The following PPP3CA variants were observed in gnomAD, a reference collection of about 807,000 sequenced individuals.
The protein encoded by PPP3CA is CAM-PRP catalytic subunit.
A neutral mutation model predicts 66.5 loss-of-function variants in PPP3CA; 14 were observed. That is an observed-to-expected ratio of 0.21 (90% CI 0.14 to 0.33). The LOEUF is 0.33. Ranked by LOEUF, PPP3CA falls within the 10% of genes least tolerant of loss-of-function variation. PPP3CA has a pLI of 1.00. For missense variants in PPP3CA, 317 were observed against 639.5 expected (o/e 0.50, Z 5.44); for synonymous variants, 232 against 226.2 (o/e 1.03, Z -0.23).
chr4:101,210,060 G>A (rs1725253300), intron 1 of PPP3CA, among the ~76,000 whole-genome samples: 1 of 152,056 alleles, frequency 6.6e-6, no homozygotes, highest in Non-Finnish European at 1.5e-5. Context: ...GAGAAGAAAG[G>A]CCATAATTTA....
At chr4:101,346,478 C>A (rs1333528614) in intron 1 of PPP3CA, among the ~76,000 whole-genome samples, 1 of 152,092 alleles carries the variant, frequency 6.6e-6, no homozygotes, top group Non-Finnish European at 1.5e-5. Flanking sequence ...CGCCACCTCC[C>A]CGCGGCTCAG....
chr4:101,292,072 G>A (rs1354206703), intron 1 of PPP3CA, among the ~76,000 whole-genome samples: 2 of 140,686 alleles, frequency 1.4e-5, no homozygotes, highest in African/African-American at 5.3e-5. Context: ...AGGCTGCACT[G>A]AGCCCATGAA....
intron 2 of PPP3CA, among the ~76,000 whole-genome samples, chr4:101,185,925 A>G (rs992788726): frequency 6.6e-6 from 1 of 152,144 alleles, no homozygotes; most frequent in Non-Finnish European, 1.5e-5. Context: ...AAGAACACCT[A>G]TCTCCCAGAG....
At chr4:101,342,110 A>G (rs930988975) in intron 1 of PPP3CA, among the ~76,000 whole-genome samples, 1 of 152,176 alleles carries the variant, frequency 6.6e-6, no homozygotes, top group Non-Finnish European at 1.5e-5. Flanking sequence ...TACAAATAAA[A>G]CAAAGAGACA....
chr4:101,179,482 A>G (rs1724168452), intron 2 of PPP3CA, among the ~76,000 whole-genome samples: 1 of 152,174 alleles, frequency 6.6e-6, no homozygotes. Context: ...GCTGTCTTCC[A>G]TAACTGCATC....
chr4:101,146,463 A>C (rs1406302823), intron 2 of PPP3CA, among the ~76,000 whole-genome samples: 6 of 151,034 alleles, frequency 4.0e-5, no homozygotes, highest in African/African-American at 1.5e-4. Context: ...TTTTTTTTTA[A>C]ATGGAGTCTC....
intron 1 of PPP3CA, among the ~76,000 whole-genome samples, chr4:101,311,672 C>T (rs558069248): frequency 6.6e-6 from 1 of 152,074 alleles, no homozygotes; most frequent in East Asian, 1.9e-4. Flanking sequence ...CTCAGCTACT[C>T]GGGAGGCTCA....
intron 1 of PPP3CA, among the ~76,000 whole-genome samples, chr4:101,340,156 C>CCCTGATATCT (rs1181840067): frequency 1.5e-4 from 23 of 152,188 alleles, no homozygotes; most frequent in Admixed American, 1.4e-3. Context: ...TTTTATAAAT[C>CCCTGATATCT]CCTGATATCT....
intron 2 of PPP3CA, among the ~76,000 whole-genome samples, chr4:101,156,263 C>A (rs958961883): frequency 3.3e-5 from 5 of 152,174 alleles, no homozygotes; most frequent in Non-Finnish European, 7.4e-5. Flanking sequence ...GCCTTTACAA[C>A]CACACCAGTC....
intron 2 of PPP3CA, among the ~76,000 whole-genome samples, chr4:101,179,159 C>G (rs1472571298): frequency 6.6e-6 from 1 of 151,974 alleles, no homozygotes; most frequent in Non-Finnish European, 1.5e-5. Flanking sequence ...TCACTCTCAT[C>G]GTAGAAAACA....
chr4:101,124,815 T>A (rs1722196093), intron 2 of PPP3CA, among the ~76,000 whole-genome samples: 1 of 149,676 alleles, frequency 6.7e-6, no homozygotes, highest in Admixed American at 6.6e-5. Flanking sequence ...ACTGTATTGG[T>A]GTTGAGGAGC....
chr4:101,037,797 G>A lies in PPP3CA; in HGVS notation c.1241+2685C>T, dbSNP rs1578393783. Among the ~76,000 whole-genome samples the A allele has an allele frequency of 3.3e-5, 5 of 152,134 alleles. 1 individual carries two copies. Among genetic ancestry groups the A allele is most frequent in the Admixed American group, 3.3e-4 (5 of 15,292 alleles). On this transcript the variant is annotated intron_variant, in intron 11 of 13. Transcript: ENST00000394854. ...TAACATGCTATTCAAAACACTCAAGGATATGGACTTCAGTATATTTTCAGT... is the reference window on the plus strand; with the variant it reads ...TAACATGCTATTCAAAACACTCAAGAATATGGACTTCAGTATATTTTCAGT...
chr4:101,063,125 T>A, intron 9 of PPP3CA, 107 bp downstream of exon 9: 2 of 1,349,192 alleles, frequency 1.5e-6, no homozygotes, highest in Non-Finnish European at 2.0e-6. Context: ...GTACAACTTG[T>A]GAATTTTATT....
At chr4:101,280,947 G>A (rs1384802389) in intron 1 of PPP3CA, among the ~76,000 whole-genome samples, 1 of 151,972 alleles carries the variant, frequency 6.6e-6, no homozygotes, top group African/African-American at 2.4e-5. Flanking sequence ...TTAGAGACTG[G>A]AGAAACAAAG....
intron 1 of PPP3CA, among the ~76,000 whole-genome samples, chr4:101,260,649 T>TC (rs1446784892): frequency 6.6e-6 from 1 of 152,074 alleles, no homozygotes; most frequent in African/African-American, 2.4e-5. Flanking sequence ...ATTGTAACTT[T>TC]CCCTCTCTCT....
intron 1 of PPP3CA, among the ~76,000 whole-genome samples, chr4:101,343,021 A>T (rs1729866200): frequency 6.6e-6 from 1 of 152,126 alleles, no homozygotes; most frequent in African/African-American, 2.4e-5. Context: ...TACACCTGAA[A>T]AACAGCTCAT....
chr4:101,163,952 C>G (rs1192174677), intron 2 of PPP3CA, among the ~76,000 whole-genome samples: 1 of 151,420 alleles, frequency 6.6e-6, no homozygotes, highest in African/African-American at 2.4e-5. Context: ...GTATAAGACA[C>G]AGTTTTATTT....
chr4:101,157,770 C>A (rs1578504438), intron 2 of PPP3CA, among the ~76,000 whole-genome samples: 1 of 149,430 alleles, frequency 6.7e-6, no homozygotes, highest in Non-Finnish European at 1.5e-5. Flanking sequence ...GACTGAGGTA[C>A]TCTAATTCCC....
intron 10 of PPP3CA, among the ~76,000 whole-genome samples, chr4:101,059,255 T>C (rs1244188483): frequency 6.6e-6 from 1 of 152,148 alleles, no homozygotes; most frequent in South Asian, 2.1e-4. Context: ...CATTGATCTC[T>C]TGCATATTTC....
Sources: allele counts gnomAD v4.1 joint callset (sites outside exome capture counted in the v4.1 genomes callset), GRCh38; gene constraint gnomAD v4.1.1; transcripts MANE v1.5; gene names NCBI Gene and HGNC (gene_info 2026-07-23, HGNC 2026-07-21).